The following GRIK2 variants were observed in gnomAD, a reference collection of about 807,000 sequenced individuals.
The protein encoded by GRIK2 is glutamate receptor ionotropic, kainate 2.
GRIK2 carries 32 observed loss-of-function variants against 100.3 expected under a neutral mutation model. The ratio of observed to expected loss-of-function variants is 0.32; its 90% CI spans 0.24 to 0.43. The LOEUF (loss-of-function observed/expected upper bound fraction) is 0.43. Among genes scored for constraint, GRIK2 ranks in the 20% least tolerant of loss-of-function variants. The probability of loss-of-function intolerance (pLI) is 1.00; values close to 1 mark genes in which losing one functional copy is unlikely to be tolerated. For missense variants in GRIK2, 843 were observed against 1,114.9 expected (o/e 0.76, Z 3.47); for synonymous variants, 417 against 389.4 (o/e 1.07, Z -0.83).
intron 11 of GRIK2, among the ~76,000 whole-genome samples, chr6:101,874,804 G>T (rs780864367): frequency 6.6e-6 from 1 of 151,998 alleles, no homozygotes; most frequent in Non-Finnish European, 1.5e-5. Flanking sequence ...CCTTGAAGAG[G>T]TCCTTCACGT....
At chr6:101,406,362 T>C (rs1775593774) in intron 2 of GRIK2, among the ~76,000 whole-genome samples, 1 of 152,204 alleles carries the variant, frequency 6.6e-6, no homozygotes, top group Non-Finnish European at 1.5e-5. Flanking sequence ...AGCTAAAAAC[T>C]GAAAATTCTT....
chr6:101,491,654 A>G (rs1273416274), intron 2 of GRIK2, among the ~76,000 whole-genome samples: 1 of 151,942 alleles, frequency 6.6e-6, no homozygotes, highest in Non-Finnish European at 1.5e-5. Context: ...TTTGAATGTA[A>G]GTTGTTGACA....
In GRIK2 at chr6:101,841,265, T is replaced by G. The variant is rs558311992; in HGVS notation, c.1318-18022T>G. On this transcript the variant is annotated intron_variant, in intron 10 of 16. Transcript: ENST00000369134. ...GGCACACCCTAAAACTATCCTGTAC[T>G]TAAATAGATTTTAGAGGATACTGGG... is the stretch of plus-strand genomic sequence containing the variant. 2.6e-5 allele frequency among the ~76,000 whole-genome samples: 4 copies of G among 152,308 alleles called. No homozygotes were observed. The South Asian group carries it at 8.3e-4, about 32-fold the overall frequency.
intron 8 of GRIK2, among the ~76,000 whole-genome samples, chr6:101,800,807 A>C (rs896018716): frequency 1.3e-5 from 2 of 152,078 alleles, no homozygotes; most frequent in African/African-American, 4.8e-5. Flanking sequence ...TGGCGAGATG[A>C]AGAATTGATT....
At chr6:101,971,391 A>G (rs1793042450) in intron 14 of GRIK2, among the ~76,000 whole-genome samples, 1 of 152,024 alleles carries the variant, frequency 6.6e-6, no homozygotes, top group African/African-American at 2.4e-5. Flanking sequence ...CCAAGGCAGT[A>G]TTATGTTTCC....
At chr6:101,913,263 A>G (rs891912261) in intron 12 of GRIK2, among the ~76,000 whole-genome samples, 6 of 151,570 alleles carry the variant, frequency 4.0e-5, no homozygotes, top group African/African-American at 1.2e-4. Context: ...TAATACCTCT[A>G]TTATGCCCAA....
intron 14 of GRIK2, among the ~76,000 whole-genome samples, chr6:101,947,737 C>T (rs375443275): frequency 1.2e-4 from 19 of 152,058 alleles, no homozygotes; most frequent in Non-Finnish European, 2.8e-4. Context: ...ATGAGAGGTC[C>T]GCACCATGAT....
At chr6:101,829,056 A>G (rs1381181043) in intron 10 of GRIK2, among the ~76,000 whole-genome samples, 1 of 152,012 alleles carries the variant, frequency 6.6e-6, no homozygotes, top group African/African-American at 2.4e-5. Flanking sequence ...TGAAAACATT[A>G]GTTCAACATG....
At chr6:101,668,672 T>A (rs958232351) in intron 4 of GRIK2, among the ~76,000 whole-genome samples, 9 of 152,186 alleles carry the variant, frequency 5.9e-5, no homozygotes, top group Non-Finnish European at 1.3e-4. Context: ...GCATAAAGAC[T>A]GACTGAAATG....
chr6:101,706,178 G>A (rs991706848), intron 7 of GRIK2, among the ~76,000 whole-genome samples: 4 of 151,848 alleles, frequency 2.6e-5, no homozygotes, highest in Non-Finnish European at 4.4e-5. Flanking sequence ...ATCTCATAGT[G>A]AAAGCTGAAT....
chr6:101,399,316 C>A lies in GRIK2; in HGVS notation c.39C>A (p.Phe13Leu), dbSNP rs755009175. ...TCCCGATTCTAAGTAATCCAGTCTTCAGGCGCACCGTTAAACTCCTGCTCT... is the reference window on the plus strand; with the variant it reads ...TCCCGATTCTAAGTAATCCAGTCTTAAGGCGCACCGTTAAACTCCTGCTCT... ...IIFPILSNPV[F>L]RRTVKLLLCL... Residue 13 changes from phenylalanine (F) to leucine (L), a missense_variant, in exon 2 of 17, where the codon TTC becomes TTA. Physicochemically the swap from Phe to Leu is conservative, Grantham distance 22 (BLOSUM62 0). Coordinates refer to ENST00000369134, the MANE Select transcript of GRIK2 (RefSeq NM_021956.5). 4 of 1,593,000 alleles carry A rather than the reference C, an allele frequency of 2.5e-6. No individual in the cohort carries two copies. Among genetic ancestry groups the A allele is most frequent in the Non-Finnish European group, 3.4e-6 (4 of 1,160,844 alleles).
intron 2 of GRIK2, chr6:101,430,964 G>A (rs1162349291): frequency 6.7e-6 from 2 of 297,160 alleles, no homozygotes; most frequent in East Asian, 1.8e-4. Context: ...AGCCCTCAAA[G>A]ATGGCACTGT....
At chr6:101,671,115 A>G (rs1343876883) in intron 4 of GRIK2, among the ~76,000 whole-genome samples, 2 of 152,180 alleles carry the variant, frequency 1.3e-5, no homozygotes, top group Non-Finnish European at 2.9e-5. Context: ...CATTTATGGA[A>G]ATAATTTTGT....
At chr6:101,469,331 C>T (rs1391417660) in intron 2 of GRIK2, among the ~76,000 whole-genome samples, 1 of 152,024 alleles carries the variant, frequency 6.6e-6, no homozygotes, top group Non-Finnish European at 1.5e-5. Context: ...GCTACCTTTC[C>T]CACACTCCTT....
chr6:101,987,114 G>A (rs556683099), intron 14 of GRIK2, among the ~76,000 whole-genome samples: 3 of 151,776 alleles, frequency 2.0e-5, no homozygotes, highest in East Asian at 1.9e-4. Context: ...TCAATCCACG[G>A]CACTTCAGCC....
rs58382277 is a variant in GRIK2 at position 101,581,287 on chromosome 6, C to CGTGT, written c.116-40649_116-40646dup. On this transcript the variant is annotated intron_variant, in intron 2 of 16. Coordinates refer to ENST00000369134, the MANE Select transcript of GRIK2 (RefSeq NM_021956.5). The stretch of plus-strand genomic sequence containing the variant: ...CTACACGTGTATACATGTATACACA[C>CGTGT]GTGTGTGTGTGTGTGTATATACATA... Among the ~76,000 whole-genome samples the CGTGT allele has an allele frequency of 1.8e-3, 266 of 149,776 alleles. 2 individuals are homozygous for CGTGT. Among genetic ancestry groups the CGTGT allele is most frequent in the African/African-American group, 6.0e-3 (245 of 40,766 alleles).
At chr6:101,989,096 A>G (rs1363231374) in intron 14 of GRIK2, among the ~76,000 whole-genome samples, 1 of 152,038 alleles carries the variant, frequency 6.6e-6, no homozygotes, top group Non-Finnish European at 1.5e-5. Flanking sequence ...ATGACCATTC[A>G]TGCTTTAGCA....
At chr6:101,532,049 G>T (rs1466222267) in intron 2 of GRIK2, among the ~76,000 whole-genome samples, 1 of 151,766 alleles carries the variant, frequency 6.6e-6, no homozygotes, top group African/African-American at 2.4e-5. Context: ...TTTAACAAAT[G>T]CTGCAAAGAC....
intron 14 of GRIK2, among the ~76,000 whole-genome samples, chr6:102,016,963 C>G (rs11757053): frequency 0.074 from 11,250 of 152,026 alleles, 584 homozygotes; most frequent in Middle Eastern, 0.2. Context: ...GAGATTGGGG[C>G]CTCATATTCA....
Sources: allele counts gnomAD v4.1 joint callset (sites outside exome capture counted in the v4.1 genomes callset), GRCh38; gene constraint gnomAD v4.1.1; transcripts MANE v1.5; gene names NCBI Gene and HGNC (gene_info 2026-07-23, HGNC 2026-07-21).